The following CNTN5 variants were observed in gnomAD, a reference collection of about 807,000 sequenced individuals.
CNTN5 encodes contactin 5.
In CNTN5, 77 loss-of-function variants were observed where a neutral mutation model predicts 129.1. The observed-to-expected ratio is 0.60, with a 90% CI of 0.50 to 0.72. CNTN5 has a LOEUF of 0.72. Among genes scored for constraint, CNTN5 ranks in the 30% least tolerant of loss-of-function variants. The pLI, the probability that CNTN5 is intolerant of heterozygous loss-of-function variation, is 0.00. For missense variants in CNTN5, 1,478 were observed against 1,328.8 expected, an observed-to-expected ratio of 1.11 and a Z score of -1.75; for synonymous variants, 509 against 465.6, an observed-to-expected ratio of 1.09 and a Z score of -1.20.
chr11:99,986,666 C>A (rs936176975), intron 8 of CNTN5, among the ~76,000 whole-genome samples: 1 of 152,100 alleles, frequency 6.6e-6, no homozygotes. Flanking sequence ...AACTTCCATC[C>A]TTTTTTTCTC....
At chr11:99,496,255 G>C (rs967081499) in intron 2 of CNTN5, among the ~76,000 whole-genome samples, 2 of 152,072 alleles carry the variant, frequency 1.3e-5, no homozygotes, top group Non-Finnish European at 2.9e-5. Flanking sequence ...TCAAAGACTA[G>C]GAACCCATGA....
chr11:99,239,763 G>A (rs1486692313), intron 1 of CNTN5, among the ~76,000 whole-genome samples: 2 of 151,958 alleles, frequency 1.3e-5, no homozygotes, highest in South Asian at 2.1e-4. Context: ...GTGAAACCCC[G>A]TCTCTACTAA....
At chr11:99,413,948 TCTA>T (rs576177548) in intron 2 of CNTN5, among the ~76,000 whole-genome samples, 208 of 152,336 alleles carry the variant, frequency 1.4e-3, no homozygotes, top group African/African-American at 4.8e-3. Flanking sequence ...CTTTCACAAA[TCTA>T]CTTATGGCCA....
chr11:99,331,380 T>G (rs1865992651), intron 2 of CNTN5, among the ~76,000 whole-genome samples: 3 of 151,988 alleles, frequency 2.0e-5, no homozygotes, highest in Admixed American at 1.3e-4. Context: ...AAAATAACTA[T>G]AGATAGATGT....
At chr11:99,372,105 T>G in intron 2 of CNTN5, among the ~76,000 whole-genome samples, 1 of 152,244 alleles carries the variant, frequency 6.6e-6, no homozygotes, top group Non-Finnish European at 1.5e-5. Context: ...CAGCCTTCCA[T>G]GCTTATGAAA....
At chr11:99,147,861 G>A (rs560808075) in intron 1 of CNTN5, among the ~76,000 whole-genome samples, 89 of 151,986 alleles carry the variant, frequency 5.9e-4, no homozygotes, top group African/African-American at 2.1e-3. Context: ...ATAACATCAT[G>A]GTGAAGCACT....
chr11:99,425,166 T>C lies in CNTN5; in HGVS notation c.-71+99682T>C, dbSNP rs76421284. On this transcript the variant is annotated intron_variant, in intron 2 of 24. Transcript: ENST00000524871. ...TTTTTATGAGCTCCTAAGGGAAAAATTGTGTGCTGATTGGTCCATGGGTGG... is the reference window on the plus strand; with the variant it reads ...TTTTTATGAGCTCCTAAGGGAAAAACTGTGTGCTGATTGGTCCATGGGTGG... Among the ~76,000 whole-genome samples the C allele has an allele frequency of 3.9e-3, 600 of 152,162 alleles. 2 individuals are homozygous for C. Among genetic ancestry groups the C allele is most frequent in the Non-Finnish European group, 6.8e-3 (465 of 67,996 alleles).
At chr11:99,575,471 A>G (rs187569629) in intron 3 of CNTN5, among the ~76,000 whole-genome samples, 1 of 152,180 alleles carries the variant, frequency 6.6e-6, no homozygotes, top group Non-Finnish European at 1.5e-5. Flanking sequence ...ATGTTTACTA[A>G]GTGACAGAAA....
At position 99,632,566 on chromosome 11, in the gene CNTN5, C is replaced by T. The variant is rs372009395; in HGVS notation, c.55+76297C>T. Among the ~76,000 whole-genome samples the T allele has an allele frequency of 1.6e-3, 236 of 152,222 alleles. 1 individual carries two copies. The highest frequency in any genetic ancestry group is 5.4e-3 in the African/African-American group (225 of 41,540). ...TACTTGTACCCCAAATTGATTTTTA[C>T]TCTAATACTGCAGGCTTGTGGCCTG... is the stretch of plus-strand genomic sequence containing the variant. On this transcript the variant is annotated intron_variant, in intron 3 of 24. Coordinates refer to ENST00000524871, the MANE Select transcript of CNTN5 (RefSeq NM_014361.4).
At chr11:99,986,968 T>C (rs1270765360) in intron 8 of CNTN5, among the ~76,000 whole-genome samples, 2 of 152,198 alleles carry the variant, frequency 1.3e-5, no homozygotes, top group Non-Finnish European at 2.9e-5. Context: ...AACATCAGCT[T>C]ATTCATTCAC....
chr11:100,317,555 G>C (rs1416452568), intron 21 of CNTN5, among the ~76,000 whole-genome samples: 1 of 152,010 alleles, frequency 6.6e-6, no homozygotes, highest in Non-Finnish European at 1.5e-5. Context: ...TTAAATCAAA[G>C]AGCTTTTATG....
At chr11:99,296,235 G>C (rs1322486872) in intron 1 of CNTN5, among the ~76,000 whole-genome samples, 1 of 151,998 alleles carries the variant, frequency 6.6e-6, no homozygotes, top group Non-Finnish European at 1.5e-5. Flanking sequence ...TTACCTTAAG[G>C]GTTCCGATGG....
At chr11:99,645,259 CAACAAAAAAAAAAAAAA>C (rs1408415350) in intron 3 of CNTN5, among the ~76,000 whole-genome samples, 6 of 67,912 alleles carry the variant, frequency 8.8e-5, no homozygotes, top group Non-Finnish European at 1.6e-4. Context: ...GGCTCCATCT[CAACAAAAAAAAAAAAAA>C]AAAAAAAAAA....
chr11:100,237,747 T>A (rs1056083570), intron 16 of CNTN5, among the ~76,000 whole-genome samples: 1 of 152,220 alleles, frequency 6.6e-6, no homozygotes, highest in Non-Finnish European at 1.5e-5. Flanking sequence ...TCCTCTTTCA[T>A]TTTACAAAAC....
At chr11:99,646,566 A>C (rs985548126) in intron 3 of CNTN5, among the ~76,000 whole-genome samples, 1 of 152,218 alleles carries the variant, frequency 6.6e-6, no homozygotes, top group Admixed American at 6.5e-5. Context: ...TGACTGGTCA[A>C]TATGACTATT....
At chr11:99,553,013 T>G (rs1948545682) in intron 2 of CNTN5, among the ~76,000 whole-genome samples, 1 of 152,188 alleles carries the variant, frequency 6.6e-6, no homozygotes, top group Non-Finnish European at 1.5e-5. Context: ...AATGCACTTA[T>G]TCTTTGTAAT....
Position 99,154,786 on chromosome 11 carries a change from G to A in CNTN5, c.-210+133516G>A, listed in dbSNP as rs1435452947. On this transcript the variant is annotated intron_variant, in intron 1 of 24. Coordinates refer to ENST00000524871, the MANE Select transcript of CNTN5 (RefSeq NM_014361.4). ...ATGGCCAAGGTGGGGCCTTGGGAGA[G>A]GATAGCAGACAGGGATCACTCAGAT... Among the ~76,000 whole-genome samples, 13 of 152,118 alleles carry A rather than the reference G, an allele frequency of 8.5e-5. No individual in the cohort carries two copies. In the East Asian group the frequency reaches 2.5e-3, roughly 29 times the overall value.
intron 13 of CNTN5, among the ~76,000 whole-genome samples, chr11:100,079,214 C>T (rs754026558): frequency 5.9e-5 from 9 of 152,054 alleles, no homozygotes; most frequent in Non-Finnish European, 1.3e-4. Flanking sequence ...GGACACAAAG[C>T]CTAACCGTAT....
At chr11:99,122,744 C>T (rs115475214) in intron 1 of CNTN5, among the ~76,000 whole-genome samples, 573 of 152,002 alleles carry the variant, frequency 3.8e-3, no homozygotes, top group African/African-American at 0.013. Flanking sequence ...CTTTTGTTCC[C>T]CTCTTTGTGT....
Sources: allele counts gnomAD v4.1 joint callset (sites outside exome capture counted in the v4.1 genomes callset), GRCh38; gene constraint gnomAD v4.1.1; transcripts MANE v1.5; gene names NCBI Gene and HGNC (gene_info 2026-07-23, HGNC 2026-07-21).